Variants in NDFIP2 observed in about 807,000 individuals in gnomAD.
The protein encoded by NDFIP2 is NEDD4 family-interacting protein 2.
NDFIP2 carries 19 observed loss-of-function variants against 36.0 expected under a neutral mutation model. The observed-to-expected ratio is 0.53, with a 90% CI of 0.37 to 0.77. The LOEUF (loss-of-function observed/expected upper bound fraction) is 0.77. NDFIP2 is among the 30% of genes least tolerant of loss of function. NDFIP2 has a pLI of 0.00. For missense variants in NDFIP2, 446 were observed against 435.8 expected (o/e 1.02, Z -0.21); for synonymous variants, 181 against 167.7 (o/e 1.08, Z -0.61).
chr13:79,509,185 C>T (rs1873981297), intron 1 of NDFIP2, among the ~76,000 whole-genome samples: 1 of 152,018 alleles, frequency 6.6e-6, no homozygotes, highest in African/African-American at 2.4e-5. Flanking sequence ...GGGTGGTTGG[C>T]CTACAACTTG....
At chr13:79,522,229 A>G (rs1040872722) in intron 2 of NDFIP2, among the ~76,000 whole-genome samples, 2 of 152,210 alleles carry the variant, frequency 1.3e-5, no homozygotes, top group African/African-American at 4.8e-5. Flanking sequence ...GTCTTTAGCT[A>G]TAAGATTTAA....
intron 1 of NDFIP2, among the ~76,000 whole-genome samples, chr13:79,496,251 A>G (rs1347071859): frequency 1.3e-5 from 2 of 151,888 alleles, no homozygotes; most frequent in Non-Finnish European, 2.9e-5. Context: ...AATTCTCTGA[A>G]GTTTCCTTAA....
chr13:79,487,671 G>A (rs1179002524), intron 1 of NDFIP2, among the ~76,000 whole-genome samples: 1 of 152,116 alleles, frequency 6.6e-6, no homozygotes, highest in Non-Finnish European at 1.5e-5. Flanking sequence ...AATGTATGAA[G>A]TTTTGGTTGC....
intron 7 of NDFIP2, among the ~76,000 whole-genome samples, chr13:79,551,359 A>C (rs1226183783): frequency 1.3e-5 from 2 of 151,534 alleles, no homozygotes; most frequent in East Asian, 3.8e-4. Flanking sequence ...ATAGCGAGTG[A>C]ACTGAAATTT....
intron 1 of NDFIP2, among the ~76,000 whole-genome samples, chr13:79,495,037 T>C (rs1873385263): frequency 1.3e-5 from 2 of 151,908 alleles, no homozygotes. Context: ...TCTGTTATGG[T>C]TTACTTTTTT....
chr13:79,535,923 T>C (rs73234697), intron 3 of NDFIP2, among the ~76,000 whole-genome samples: 6,674 of 152,220 alleles, frequency 0.044, 203 homozygotes, highest in Non-Finnish European at 0.068. Flanking sequence ...ATTTAAAAAT[T>C]GAAAAAAAGT....
intron 5 of NDFIP2, among the ~76,000 whole-genome samples, chr13:79,546,369 T>C (rs943630998): frequency 6.6e-6 from 1 of 152,190 alleles, no homozygotes; most frequent in Non-Finnish European, 1.5e-5. Context: ...TACATATGTG[T>C]TTTATTAAAA....
intron 1 of NDFIP2, among the ~76,000 whole-genome samples, chr13:79,514,849 C>G (rs1474991687): frequency 6.6e-6 from 1 of 152,134 alleles, no homozygotes; most frequent in East Asian, 1.9e-4. Flanking sequence ...AAAAGATACT[C>G]TTTCTGATTT....
intron 1 of NDFIP2, among the ~76,000 whole-genome samples, chr13:79,484,136 C>T (rs1566651817): frequency 6.6e-6 from 1 of 152,084 alleles, no homozygotes; most frequent in Non-Finnish European, 1.5e-5. Context: ...CTGCCTCAGC[C>T]TCCTGAGTCA....
chr13:79,534,350 G>GTTTTTTTTTT (rs532659161), intron 3 of NDFIP2, among the ~76,000 whole-genome samples: 3 of 95,406 alleles, frequency 3.1e-5, no homozygotes, highest in East Asian at 3.4e-4. Context: ...TTTGTCAGCT[G>GTTTTTTTTTT]TTTTTTTTTT....
intron 1 of NDFIP2, among the ~76,000 whole-genome samples, chr13:79,514,505 A>C (rs551130284): frequency 0.067 from 10,171 of 152,204 alleles, 708 homozygotes; most frequent in African/African-American, 0.17. Context: ...AGTACTCTGA[A>C]GAACAGGGTT....
intron 1 of NDFIP2, among the ~76,000 whole-genome samples, 163 bp downstream of exon 1, chr13:79,481,687 C>A (rs2079814382): frequency 6.6e-6 from 1 of 152,044 alleles, no homozygotes; most frequent in Non-Finnish European, 1.5e-5. Context: ...ACTCGCCTCA[C>A]CTGCGCACTC....
At chr13:79,512,311 T>C (rs1874108078) in intron 1 of NDFIP2, among the ~76,000 whole-genome samples, 1 of 152,242 alleles carries the variant, frequency 6.6e-6, no homozygotes, top group African/African-American at 2.4e-5. Context: ...TAAATTGTTT[T>C]ATAAATTCAA....
At position 79,481,520 on chromosome 13, in the gene NDFIP2, A is replaced by G. The variant is rs1441049120; in HGVS notation, c.317A>G (p.Gln106Arg). The change falls in exon 1 of 8, where the codon CAG (glutamine) becomes CGG (arginine). Residue 106 changes from glutamine to arginine, a missense_variant. By Grantham distance (43) the Gln-to-Arg change is conservative. Coordinates refer to ENST00000218652, the MANE Select transcript of NDFIP2 (RefSeq NM_019080.3). ...CACCAGCCGGGGACTGGGCGCTACCAGGTGGTGAGTTCCCGGCCTCCTGTG... is the reference window on the plus strand; with the variant it reads ...CACCAGCCGGGGACTGGGCGCTACCGGGTGGTGAGTTCCCGGCCTCCTGTG... ...DHHQPGTGRY[Q>R]VLLNEEDNSE... is the part of the protein sequence containing the mutation. 3 of 1,548,396 alleles carry G rather than the reference A, an allele frequency of 1.9e-6. No individual in the cohort carries two copies. Among genetic ancestry groups the G allele is most frequent in the Non-Finnish European group, 2.6e-6 (3 of 1,146,266 alleles).
intron 1 of NDFIP2, among the ~76,000 whole-genome samples, chr13:79,519,645 T>G (rs1017415764): frequency 6.6e-6 from 1 of 152,262 alleles, no homozygotes; most frequent in African/African-American, 2.4e-5. Flanking sequence ...TAGGATCTCC[T>G]AGGTTGTTGT....
intron 2 of NDFIP2, among the ~76,000 whole-genome samples, chr13:79,530,473 CTCTT>C (rs905956637): frequency 2.4e-4 from 37 of 152,276 alleles, no homozygotes; most frequent in African/African-American, 7.7e-4. Flanking sequence ...CATCAATTGA[CTCTT>C]TGTTTTACAA....
At chr13:79,538,591 G>C (rs1875336270) in intron 3 of NDFIP2, among the ~76,000 whole-genome samples, 1 of 152,104 alleles carries the variant, frequency 6.6e-6, no homozygotes, top group South Asian at 2.1e-4. Context: ...AAAGTTCCAA[G>C]ATAATATTTT....
At position 79,535,971 on chromosome 13, in the gene NDFIP2, T is replaced by C. The variant is rs1875221989; in HGVS notation, c.621+2515T>C. Reference sequence around the variant, plus strand: ...GCATTTGAGTACATTCAGTTGTAAATGAGTCTCAGCTGGGTGAGTTGAAAG... The same window carrying C: ...GCATTTGAGTACATTCAGTTGTAAACGAGTCTCAGCTGGGTGAGTTGAAAG... On this transcript the variant is annotated intron_variant, in intron 3 of 7. Transcript: ENST00000218652. Among the ~76,000 whole-genome samples the C allele has an allele frequency of 2.0e-5, 3 of 152,294 alleles. No individual in the cohort carries two copies. In the South Asian group the frequency reaches 6.2e-4, roughly 32 times the overall value.
intron 1 of NDFIP2, among the ~76,000 whole-genome samples, chr13:79,483,638 A>T (rs1349409300): frequency 6.6e-6 from 1 of 152,148 alleles, no homozygotes; most frequent in Non-Finnish European, 1.5e-5. Context: ...TTTTTCACTT[A>T]CTTAAAGAGT....
Sources: gnomAD v4.1 joint callset for allele counts (sites outside exome capture counted in the v4.1 genomes callset) on GRCh38, gnomAD v4.1.1 for gene constraint, MANE v1.5 for transcripts, NCBI Gene and HGNC (gene_info 2026-07-23, HGNC 2026-07-21) for gene names.